Variants in DLC1 observed in about 807,000 individuals in gnomAD.
The protein encoded by DLC1 is DLC1 Rho GTPase activating protein.
A neutral mutation model predicts 140.3 loss-of-function variants in DLC1; 54 were observed. That is an observed-to-expected ratio of 0.38 (90% CI 0.31 to 0.48). DLC1 has a LOEUF of 0.48. Among genes scored for constraint, DLC1 ranks in the 20% least tolerant of loss-of-function variants. The pLI is 0.96. For synonymous variants in DLC1, 986 were observed against 728.1 expected, an observed-to-expected ratio of 1.35 and a Z score of -5.70; for missense variants, 2,536 against 1,907.0, an observed-to-expected ratio of 1.33 and a Z score of -6.14.
chr8:13,604,572 G>C (rs1485390705), exon 1 of DLC1: 1 of 152,146 alleles, frequency 6.6e-6, no homozygotes, highest in East Asian at 1.9e-4. Context: ...AAGCAGAGTA[G>C]AGCAGATGAA....
chr8:13,582,192 G>A (rs1052715328), intron 1 of DLC1, among the ~76,000 whole-genome samples: 1 of 152,164 alleles, frequency 6.6e-6, no homozygotes, highest in Non-Finnish European at 1.5e-5. Flanking sequence ...GCACATCCCT[G>A]CAGAGATTTT....
intron 1 of DLC1, among the ~76,000 whole-genome samples, chr8:13,576,909 C>G (rs1257582259): frequency 1.3e-5 from 2 of 152,190 alleles, no homozygotes; most frequent in African/African-American, 2.4e-5. Flanking sequence ...GAAAATGGCA[C>G]TGAACAGAGG....
At chr8:13,234,650 C>T (rs2117213849) in intron 5 of DLC1, among the ~76,000 whole-genome samples, 1 of 152,172 alleles carries the variant, frequency 6.6e-6, no homozygotes, top group Admixed American at 6.5e-5. Flanking sequence ...TTTTTTTAAA[C>T]ATCTTGTCTA....
At chr8:13,378,869 T>C (rs1836119469) in intron 4 of DLC1, among the ~76,000 whole-genome samples, 1 of 152,158 alleles carries the variant, frequency 6.6e-6, no homozygotes, top group South Asian at 2.1e-4. Context: ...ACTCTGACAA[T>C]ATTCTTAAAC....
intron 2 of DLC1, among the ~76,000 whole-genome samples, chr8:13,444,408 C>G (rs1214838992): frequency 6.6e-6 from 1 of 151,988 alleles, no homozygotes; most frequent in Non-Finnish European, 1.5e-5. Flanking sequence ...TGTAACAAAC[C>G]TGCACATTAT....
At chr8:13,183,063 T>C (rs1585859074) in intron 5 of DLC1, among the ~76,000 whole-genome samples, 3 of 152,242 alleles carry the variant, frequency 2.0e-5, no homozygotes, top group Admixed American at 2.0e-4. Flanking sequence ...TCCTAGGTAT[T>C]ATACTCTCTT....
rs1563454319 is a variant in DLC1, at chr8:13,579,517, A to ATATATCATATTTTATATTATATATTTAT, written c.-126+25019_-126+25020insATAAATATATAATATAAAATATGATATA. Among the ~76,000 whole-genome samples the ATATATCATATTTTATATTATATATTTAT allele has an allele frequency of 2.6e-4, 20 of 76,684 alleles. 7 individuals are homozygous for ATATATCATATTTTATATTATATATTTAT. The highest frequency in any genetic ancestry group is 3.1e-4 in the Non-Finnish European group (12 of 38,490). 50.3% of individuals were successfully genotyped at this position (76,684 alleles called of 152,430 possible). A position where few individuals can be genotyped will look rare whatever the true frequency, so the allele number is the denominator to read the frequency against. Reference sequence around the variant, plus strand: ...TATTATATTTTATATTATATATTTAATATATTATATTTTATATTATATATT... The same window carrying ATATATCATATTTTATATTATATATTTAT: ...TATTATATTTTATATTATATATTTAATATATCATATTTTATATTATATATTTATTATATTATATTTTATATTATATATT... On this transcript the variant is annotated intron_variant, in intron 1 of 1. Transcript: ENST00000631382.
chr8:13,219,185 T>C (rs1266341952), intron 5 of DLC1, among the ~76,000 whole-genome samples: 1 of 129,640 alleles, frequency 7.7e-6, no homozygotes, highest in Non-Finnish European at 1.5e-5. Context: ...ATTATATGAA[T>C]ATAACTATAT....
At chr8:13,343,222 T>C (rs1488195215) in intron 4 of DLC1, among the ~76,000 whole-genome samples, 1 of 152,184 alleles carries the variant, frequency 6.6e-6, no homozygotes, top group African/African-American at 2.4e-5. Flanking sequence ...CATCCATGAA[T>C]ACCCGGCTTC....
rs192031436 is a variant in DLC1, at chr8:13,097,835, C to T, written c.3167+564G>A. On this transcript the variant is annotated intron_variant, in intron 10 of 17. Coordinates refer to ENST00000276297, the MANE Select transcript of DLC1 (RefSeq NM_182643.3). ...GCTGAAAACTCAATCAACCCACCCA[C>T]GCTGATAATTTCCTAAGACTCCACT... Among the ~76,000 whole-genome samples the T allele has an allele frequency of 1.8e-3, 270 of 152,108 alleles. 1 individual carries two copies. The highest frequency in any genetic ancestry group is 5.9e-3 in the African/African-American group (246 of 41,494).
chr8:13,286,596 T>C (rs1831542822), intron 5 of DLC1, among the ~76,000 whole-genome samples: 1 of 151,906 alleles, frequency 6.6e-6, no homozygotes, highest in Non-Finnish European at 1.5e-5. Context: ...AGGCACAGAA[T>C]GCAACCTGAA....
chr8:13,095,214 C>T lies in DLC1; in HGVS notation c.3199G>A (p.Val1067Ile), dbSNP rs748132137. ...AVPKFMKRIK[V>I]PDYKDRSVFG... ...ACACTCCGGTCCTTGTAGTCTGGAACCTTGATCCTCTTCATGAACTTGGGC... is the reference window on the plus strand; with the variant it reads ...ACACTCCGGTCCTTGTAGTCTGGAATCTTGATCCTCTTCATGAACTTGGGC... Residue 1067 changes from valine (V) to isoleucine (I), a missense_variant, in exon 11 of 18, where the codon GTT becomes ATT. Coordinates refer to ENST00000276297, the MANE Select transcript of DLC1 (RefSeq NM_182643.3). 3 of 1,614,252 alleles carry T rather than the reference C, an allele frequency of 1.9e-6. No individual in the cohort carries two copies. In the South Asian group the frequency reaches 3.3e-5, roughly 18 times the overall value.
At chr8:13,432,755 G>A (rs1392509437) in intron 2 of DLC1, among the ~76,000 whole-genome samples, 2 of 152,090 alleles carry the variant, frequency 1.3e-5, no homozygotes, top group African/African-American at 4.8e-5. Flanking sequence ...TTCCAGTAGA[G>A]TGGTGAAGAT....
chr8:13,213,133 A>G (rs1464428932), intron 5 of DLC1, among the ~76,000 whole-genome samples: 2 of 152,202 alleles, frequency 1.3e-5, no homozygotes, highest in African/African-American at 4.8e-5. Context: ...TCTGCATGAT[A>G]ATATCAACAT....
chr8:13,312,347 C>A (rs1033523783), intron 4 of DLC1, among the ~76,000 whole-genome samples: 1 of 58,510 alleles, frequency 1.7e-5, no homozygotes, highest in African/African-American at 6.1e-5. Flanking sequence ...GGCGACAGAG[C>A]GAGACTCCGT....
At chr8:13,194,498 C>G (rs545752509) in intron 5 of DLC1, among the ~76,000 whole-genome samples, 1 of 152,264 alleles carries the variant, frequency 6.6e-6, no homozygotes, top group South Asian at 2.1e-4. Flanking sequence ...AACTGTGTAT[C>G]CTGGAATTGG....
intron 2 of DLC1, among the ~76,000 whole-genome samples, chr8:13,444,345 T>C (rs1798681971): frequency 6.6e-6 from 1 of 152,132 alleles, no homozygotes; most frequent in South Asian, 2.1e-4. Context: ...AAATACCTAA[T>C]GTAGATGACA....
chr8:13,134,276 C>A (rs1012085084), intron 5 of DLC1, among the ~76,000 whole-genome samples: 10 of 152,214 alleles, frequency 6.6e-5, no homozygotes, highest in African/African-American at 2.4e-4. Context: ...TGCCTGCTAT[C>A]TCTGGGCAAG....
chr8:13,297,702 A>G (rs765637878), intron 5 of DLC1, among the ~76,000 whole-genome samples: 6 of 152,184 alleles, frequency 3.9e-5, no homozygotes, highest in African/African-American at 7.2e-5. Flanking sequence ...GTCTTTCCAA[A>G]GAGAAGTCTG....
Sources: gnomAD v4.1 joint callset for allele counts (sites outside exome capture counted in the v4.1 genomes callset) on GRCh38, gnomAD v4.1.1 for gene constraint, MANE v1.5 for transcripts, NCBI Gene and HGNC (gene_info 2026-07-23, HGNC 2026-07-21) for gene names.